The following PPP1R12A variants were observed in gnomAD, a reference collection of about 807,000 sequenced individuals.
PPP1R12A encodes the protein protein phosphatase 1 regulatory subunit 12A.
PPP1R12A carries 19 observed loss-of-function variants against 139.6 expected under a neutral mutation model. The ratio of observed to expected loss-of-function variants is 0.14; its 90% CI spans 0.09 to 0.20. The LOEUF is 0.20. Among genes scored for constraint, PPP1R12A ranks in the 10% least tolerant of loss-of-function variants. PPP1R12A has a pLI of 1.00. For synonymous variants in PPP1R12A, 427 were observed against 420.6 expected (o/e 1.02, Z -0.19); for missense variants, 925 against 1,211.5 (o/e 0.76, Z 3.51).
rs189437406 is a variant in PPP1R12A, at chr12:79,851,170, G to A, written c.369-5750C>T. Among the ~76,000 whole-genome samples, 442 of 152,208 alleles carry A rather than the reference G, an allele frequency of 2.9e-3. 2 individuals are homozygous for A. Among genetic ancestry groups the A allele is most frequent in the Non-Finnish European group, 4.4e-3 (298 of 68,000 alleles). On this transcript the variant is annotated intron_variant, in intron 2 of 24. Coordinates refer to ENST00000450142, the MANE Select transcript of PPP1R12A (RefSeq NM_002480.3). ...AAAAAATTACTCAAAGCCATCCTAGGAGAAATTATGAAAATTAAACTATCT... is the reference window on the plus strand; with the variant it reads ...AAAAAATTACTCAAAGCCATCCTAGAAGAAATTATGAAAATTAAACTATCT...
intron 1 of PPP1R12A, among the ~76,000 whole-genome samples, chr12:79,924,967 A>G (rs576273409): frequency 6.6e-6 from 1 of 152,316 alleles, no homozygotes; most frequent in South Asian, 2.1e-4. Flanking sequence ...AATCACGGAT[A>G]TTTATTAACC....
intron 1 of PPP1R12A, among the ~76,000 whole-genome samples, chr12:79,889,017 G>A (rs2137413895): frequency 6.6e-6 from 1 of 152,302 alleles, no homozygotes; most frequent in Admixed American, 6.5e-5. Flanking sequence ...TATTTGCTAA[G>A]TTCTGGTAAG....
chr12:79,791,591 G>C (rs1422267054), intron 19 of PPP1R12A, among the ~76,000 whole-genome samples: 1 of 152,146 alleles, frequency 6.6e-6, no homozygotes, highest in Non-Finnish European at 1.5e-5. Flanking sequence ...GCCTCCCAGA[G>C]TGTTGGGCTT....
intron 2 of PPP1R12A, among the ~76,000 whole-genome samples, chr12:79,857,752 A>G (rs1475883008): frequency 6.6e-6 from 1 of 152,140 alleles, no homozygotes; most frequent in African/African-American, 2.4e-5. Flanking sequence ...ATCTATCTAT[A>G]AGCCTGAAGA....
chr12:79,867,530 G>GA (rs34071275), intron 2 of PPP1R12A, among the ~76,000 whole-genome samples: 1 of 149,582 alleles, frequency 6.7e-6, no homozygotes, highest in African/African-American at 2.5e-5. Context: ...ACTTAAACTA[G>GA]AAAAAAAAAA....
At chr12:79,874,140 G>A (rs1398301428) in intron 1 of PPP1R12A, among the ~76,000 whole-genome samples, 2 of 152,056 alleles carry the variant, frequency 1.3e-5, no homozygotes, top group African/African-American at 4.8e-5. Flanking sequence ...GCCAGGCATG[G>A]TGGAGCACGC....
intron 2 of PPP1R12A, among the ~76,000 whole-genome samples, chr12:79,868,229 T>A (rs1158278339): frequency 6.6e-6 from 1 of 152,200 alleles, no homozygotes. Context: ...GTATAATGAA[T>A]TGATAATTCA....
chr12:79,828,554 A>G, intron 4 of PPP1R12A, 90 bp from the exon 5 acceptor site: 2 of 979,582 alleles, frequency 2.0e-6, no homozygotes, highest in Non-Finnish European at 1.4e-6. Flanking sequence ...TTTAACTACA[A>G]TTTTCAATTA....
chr12:79,929,760 C>A (rs1373997551), intron 1 of PPP1R12A, among the ~76,000 whole-genome samples: 2 of 150,046 alleles, frequency 1.3e-5, no homozygotes, highest in Admixed American at 6.6e-5. Flanking sequence ...CAGAATGAGA[C>A]TCCATCTCAA....
chr12:79,895,927 CTAAG>C (rs1160154379), intron 1 of PPP1R12A, among the ~76,000 whole-genome samples: 1 of 151,966 alleles, frequency 6.6e-6, no homozygotes, highest in African/African-American at 2.4e-5. Flanking sequence ...AGGGAGTAGC[CTAAG>C]TAAGAGCAAG....
chr12:79,827,493 A>G lies in PPP1R12A; in HGVS notation c.792+827T>C, dbSNP rs966684076. 3.3e-5 allele frequency among the ~76,000 whole-genome samples: 5 copies of G among 152,274 alleles called. No homozygotes were observed. In the East Asian group the frequency reaches 7.7e-4, roughly 23 times the overall value. On this transcript the variant is annotated intron_variant, in intron 5 of 24. Coordinates refer to ENST00000450142, the MANE Select transcript of PPP1R12A (RefSeq NM_002480.3). ...GGAACATTCTATGGAAAGGTAATCA[A>G]ACCCACTAGAGGAGACGTGTTTTGA...
chr12:79,801,214 G>A lies in PPP1R12A; in HGVS notation c.2001-2630C>T, dbSNP rs538029620. Among the ~76,000 whole-genome samples the A allele has an allele frequency of 8.0e-5, 12 of 150,354 alleles. No individual in the cohort carries two copies. The South Asian group carries it at 1.1e-3, about 13-fold the overall frequency. Reference sequence around the variant, plus strand: ...TACAAAATTAGCCGGGCGTGGTGGCGCATGCCTGTAATCCTAGCTACTCAG... The same window carrying A: ...TACAAAATTAGCCGGGCGTGGTGGCACATGCCTGTAATCCTAGCTACTCAG... On this transcript the variant is annotated intron_variant, in intron 14 of 24. Transcript: ENST00000450142.
Position 79,935,058 on chromosome 12 carries a change from G to A in PPP1R12A, c.-127C>T, listed in dbSNP as rs1368581032. The A allele has an allele frequency of 1.9e-5, 27 of 1,405,702 alleles. No individual in the cohort carries two copies. The highest frequency in any genetic ancestry group is 3.1e-5 in the Admixed American group (1 of 32,340). The allele number at this position is 1,405,702 out of a possible 1,614,324, so 87.1% of individuals were successfully genotyped here. On this transcript the variant is annotated 5_prime_UTR_variant, in exon 1 of 25. Transcript: ENST00000450142. ...CGGGCCAGAGGAGGGCTGGGAACCC[G>A]GAGCCGACGCTCGAGACTTCCAGTA...
chr12:79,818,964 A>G (rs1484963191), intron 8 of PPP1R12A: 2 of 152,242 alleles, frequency 1.3e-5, no homozygotes, highest in Non-Finnish European at 2.9e-5. Flanking sequence ...AAAGTATGAT[A>G]AAGCCTAGCT....
chr12:79,851,233 A>G (rs780773113), intron 2 of PPP1R12A, among the ~76,000 whole-genome samples: 35 of 152,222 alleles, frequency 2.3e-4, no homozygotes, highest in Non-Finnish European at 4.3e-4. Flanking sequence ...TACACTATTC[A>G]GAAATAAATG....
At chr12:79,779,462 C>T (rs1870145996) in intron 23 of PPP1R12A, 2 of 818,458 alleles carry the variant, frequency 2.4e-6, no homozygotes, top group Admixed American at 2.3e-5. Flanking sequence ...AGTACATTTA[C>T]TGTAAATGTT....
intron 2 of PPP1R12A, among the ~76,000 whole-genome samples, chr12:79,864,620 T>C (rs1881753426): frequency 6.6e-6 from 1 of 151,888 alleles, no homozygotes; most frequent in South Asian, 2.1e-4. Context: ...ATAGACACAA[T>C]AAAAAATGAT....
chr12:79,817,352 A>C, intron 9 of PPP1R12A, 42 bp downstream of exon 9: 1 of 1,577,032 alleles, frequency 6.3e-7, no homozygotes. Context: ...GTGGTACATA[A>C]ATAGAATACA....
At chr12:79,843,043 G>A (rs983039297) in intron 3 of PPP1R12A, among the ~76,000 whole-genome samples, 1 of 151,852 alleles carries the variant, frequency 6.6e-6, no homozygotes, top group Admixed American at 6.6e-5. Context: ...AGAATCATTT[G>A]TTTTTGGTTT....
Sources: allele counts gnomAD v4.1 joint callset (sites outside exome capture counted in the v4.1 genomes callset), GRCh38; gene constraint gnomAD v4.1.1; transcripts MANE v1.5; gene names NCBI Gene and HGNC (gene_info 2026-07-23, HGNC 2026-07-21).